Variants in APC observed in about 807,000 individuals in gnomAD.
APC encodes the protein adenomatous polyposis coli protein.
A neutral mutation model predicts 247.0 loss-of-function variants in APC; 72 were observed. The ratio of observed to expected loss-of-function variants is 0.29; its 90% CI spans 0.24 to 0.35. APC has a LOEUF of 0.35. Among genes scored for constraint, APC ranks in the 10% least tolerant of loss-of-function variants. The pLI, the probability that APC is intolerant of heterozygous loss-of-function variation, is 1.00. For synonymous variants in APC, 1,254 were observed against 1,162.5 expected, an observed-to-expected ratio of 1.08 and a Z score of -1.60; for missense variants, 3,400 against 3,360.7, an observed-to-expected ratio of 1.01 and a Z score of -0.29.
chr5:112,828,128 A>G, intron 13 of APC, 122 bp downstream of exon 13: 2 of 811,656 alleles, frequency 2.5e-6, no homozygotes, highest in Non-Finnish European at 4.2e-6. Flanking sequence ...CTCTGCCTCC[A>G]GGGTTCAAGC....
At chr5:112,779,956 G>C (rs1758142923) in intron 5 of APC, among the ~76,000 whole-genome samples, 1 of 152,178 alleles carries the variant, frequency 6.6e-6, no homozygotes, top group Non-Finnish European at 1.5e-5. Flanking sequence ...AGGGCACACA[G>C]AAAATCTATA....
At chr5:112,745,174 T>C (rs1753500824) in intron 1 of APC, among the ~76,000 whole-genome samples, 1 of 152,208 alleles carries the variant, frequency 6.6e-6, no homozygotes, top group Non-Finnish European at 1.5e-5. Context: ...AAAACATTTT[T>C]AGTAAAATTT....
chr5:112,768,866 C>T (rs1288405483), intron 4 of APC, among the ~76,000 whole-genome samples: 1 of 151,920 alleles, frequency 6.6e-6, no homozygotes, highest in Non-Finnish European at 1.5e-5. Context: ...CAGTCTTATA[C>T]AGTAGTGTAG....
rs1750986929 is a variant in APC at position 112,713,590 on chromosome 5, T to A, written c.165+5708T>A. On this transcript the variant is annotated intron_variant, in intron 1 of 13. Coordinates refer to the APC transcript ENST00000507379. ...ACAGTATTGTATGGAGAAATTTAAA[T>A]AAATAAGAATTTTCAGATAATAGTG... is the stretch of plus-strand genomic sequence containing the variant. Among the ~76,000 whole-genome samples the A allele has an allele frequency of 2.6e-5, 4 of 152,314 alleles. No homozygotes were observed. In the South Asian group the frequency reaches 8.3e-4, roughly 32 times the overall value.
Position 112,801,310 on chromosome 5 carries a change from C to T in APC, c.761C>T (p.Ser254Leu), listed in dbSNP as rs1060503334. Residue 254 changes from serine (S) to leucine (L), a missense_variant, in exon 8 of 16, where the codon TCA becomes TTA. Ser to Leu is a moderately radical substitution (Grantham distance 145). Coordinates refer to ENST00000257430, the MANE Select transcript of APC (RefSeq NM_000038.6). ...TCTCAGAACAAGCATGAAACCGGCT[C>T]ACATGATGCTGAGCGGCAGAATGAA... is the stretch of plus-strand genomic sequence containing the variant. ...RSSQNKHETG[S>L]HDAERQNEGQ... 6.2e-7 allele frequency: 1 copy of T among 1,613,056 alleles called. No homozygotes were observed. The highest frequency in any genetic ancestry group is 8.5e-7 in the Non-Finnish European group (1 of 1,179,268).
At chr5:112,751,827 G>C (rs971005382) in intron 1 of APC, among the ~76,000 whole-genome samples, 1 of 151,920 alleles carries the variant, frequency 6.6e-6, no homozygotes, top group Non-Finnish European at 1.5e-5. Context: ...TACCCTGACT[G>C]TAGGACTATA....
intron 7 of APC, among the ~76,000 whole-genome samples, chr5:112,794,656 C>T (rs977104504): frequency 6.6e-6 from 1 of 152,134 alleles, no homozygotes; most frequent in Non-Finnish European, 1.5e-5. Context: ...CTCACACTAA[C>T]TACCCAGAGT....
In APC at chr5:112,806,591, T is replaced by G. The variant is rs943448952; in HGVS notation, c.834+5208T>G. ...TTATTTATTTATTTATTTATTTATTTATTGAGATAGGGTCTCACTCTGTCA... is the reference window on the plus strand; with the variant it reads ...TTATTTATTTATTTATTTATTTATTGATTGAGATAGGGTCTCACTCTGTCA... On this transcript the variant is annotated intron_variant, in intron 8 of 15. Transcript: ENST00000257430. 3.2e-3 allele frequency among the ~76,000 whole-genome samples: 460 copies of G among 145,230 alleles called. 1 individual carries two copies. The highest frequency in any genetic ancestry group is 0.011 in the African/African-American group (440 of 38,886).
At chr5:112,748,066 A>G (rs932371892) in intron 1 of APC, among the ~76,000 whole-genome samples, 2 of 152,156 alleles carry the variant, frequency 1.3e-5, no homozygotes, top group East Asian at 3.9e-4. Context: ...AAGCCTTATA[A>G]TATTTATTAT....
chr5:112,778,356 A>C (rs540565040), intron 5 of APC: 1 of 152,082 alleles, frequency 6.6e-6, no homozygotes, highest in Non-Finnish European at 1.5e-5. Flanking sequence ...TCTCAAATAC[A>C]TTTATAGTGG....
intron 3 of APC, 139 bp downstream of exon 3, chr5:112,766,549 T>A: frequency 1.6e-6 from 1 of 626,256 alleles, no homozygotes; most frequent in Non-Finnish European, 2.8e-6. Context: ...CCTCAGGATG[T>A]AATTGTTAAA....
chr5:112,709,076 T>G (rs1004499063), intron 1 of APC, among the ~76,000 whole-genome samples: 6 of 152,218 alleles, frequency 3.9e-5, no homozygotes, highest in African/African-American at 1.4e-4. Flanking sequence ...AAATGATAGC[T>G]TGCCCTTTGA....
chr5:112,751,068 G>A (rs1215145754), intron 1 of APC, among the ~76,000 whole-genome samples: 3 of 151,958 alleles, frequency 2.0e-5, no homozygotes, highest in Non-Finnish European at 4.4e-5. Context: ...ATCTATTCAT[G>A]TACTGGTATT....
chr5:112,778,115 T>A, intron 5 of APC: 1 of 212,630 alleles, frequency 4.7e-6, no homozygotes. Context: ...CTTCCGGCTC[T>A]GCCTCTTCAT....
upstream of APC, among the ~76,000 whole-genome samples, chr5:112,735,811 G>A (rs1011684394): frequency 6.6e-6 from 1 of 152,134 alleles, no homozygotes; most frequent in African/African-American, 2.4e-5. Context: ...TAGATTTGAA[G>A]CATAGTGACT....
chr5:112,805,388 CG>C lies in APC; in HGVS notation c.834+4007del, dbSNP rs771041706. On this transcript the variant is annotated intron_variant, in intron 8 of 15. Coordinates refer to ENST00000257430, the MANE Select transcript of APC (RefSeq NM_000038.6). The stretch of plus-strand genomic sequence containing the variant: ...CTATTGAAAATAGTAAATCAGGGCC[CG>C]GTATTCATTCCTCCTTTAAGTGATG... Among the ~76,000 whole-genome samples the C allele has an allele frequency of 7.4e-4, 112 of 151,980 alleles. 1 individual carries two copies. The highest frequency in any genetic ancestry group is 1.2e-3 in the Non-Finnish European group (84 of 67,994).
At chr5:112,732,380 G>C (rs1264125700) in intron 1 of APC, among the ~76,000 whole-genome samples, 3 of 152,112 alleles carry the variant, frequency 2.0e-5, no homozygotes, top group Non-Finnish European at 4.4e-5. Flanking sequence ...AGTACTAAAG[G>C]GATTCTGCAG....
intron 2 of APC, among the ~76,000 whole-genome samples, chr5:112,756,953 A>G (rs1375617781): frequency 1.3e-5 from 2 of 152,214 alleles, no homozygotes; most frequent in Middle Eastern, 3.2e-3. Flanking sequence ...GAAATGCTCC[A>G]TTGAGCATTT....
intron 6 of APC, 70 bp downstream of exon 6, chr5:112,780,973 T>C (rs1314577330): frequency 3.0e-6 from 3 of 1,008,980 alleles, no homozygotes; most frequent in Non-Finnish European, 4.6e-6. Flanking sequence ...ACAGCTCTGT[T>C]AATATTGATT....
Sources: allele counts gnomAD v4.1 joint callset (sites outside exome capture counted in the v4.1 genomes callset), GRCh38; gene constraint gnomAD v4.1.1; transcripts MANE v1.5; gene names NCBI Gene and HGNC (gene_info 2026-07-23, HGNC 2026-07-21).